The following TLR5 variants were observed in gnomAD, a reference collection of about 807,000 sequenced individuals.
The protein encoded by TLR5 is toll like receptor 5, also known as toll-like receptor 5.
For missense variants in TLR5, 944 were observed against 999.8 expected (o/e 0.94, Z 0.75); for synonymous variants, 373 against 384.4 (o/e 0.97, Z 0.35).
chr1:223,120,042 G>A (rs1656883824), intron 5 of TLR5, among the ~76,000 whole-genome samples: 1 of 136,026 alleles, frequency 7.4e-6, no homozygotes, highest in South Asian at 2.4e-4. Flanking sequence ...ACAACAGATA[G>A]CAGGACCTGA....
chr1:223,125,413 C>T (rs868580924), intron 5 of TLR5, among the ~76,000 whole-genome samples: 3 of 152,310 alleles, frequency 2.0e-5, no homozygotes, highest in African/African-American at 4.8e-5. Flanking sequence ...CAGAACCTAA[C>T]GAGCTCAGGG....
At chr1:223,123,622 G>A (rs937198919) in intron 5 of TLR5, 1 of 152,356 alleles carries the variant, frequency 6.6e-6, no homozygotes, top group Non-Finnish European at 1.5e-5. Context: ...GGAACCAGGT[G>A]AGCAGGTGAG....
At chr1:223,122,236 A>T (rs1656983607) in intron 5 of TLR5, among the ~76,000 whole-genome samples, 1 of 152,132 alleles carries the variant, frequency 6.6e-6, no homozygotes, top group Admixed American at 6.5e-5. Flanking sequence ...TGATAAACCA[A>T]CCTAAAAAGG....
At chr1:223,141,820 TATAGAGAGAGAGAG>T (rs1408110912) in intron 1 of TLR5, 57 bp from the exon 2 acceptor site, 4 of 43,888 alleles carry the variant, frequency 9.1e-5, no homozygotes, top group Non-Finnish European at 1.3e-4. Flanking sequence ...TATATATATA[TATAGAGAGAGAGAG>T]AGAGAGAGAG....
In TLR5 at chr1:223,134,095, C is replaced by T. The variant is rs5744153; in HGVS notation, c.-170+587G>A. Reference sequence around the variant, plus strand: ...CTGAACCTCTCTAAGCATCAGTTTACTGCCTATAAAATCACAGCAATAAGT... The same window carrying T: ...CTGAACCTCTCTAAGCATCAGTTTATTGCCTATAAAATCACAGCAATAAGT... On this transcript the variant is annotated intron_variant, in intron 4 of 5. Coordinates refer to ENST00000642603, the MANE Select transcript of TLR5 (RefSeq NM_003268.6). 7.1e-3 allele frequency among the ~76,000 whole-genome samples: 1,085 copies of T among 152,314 alleles called. 15 individuals are homozygous for T. The highest frequency in any genetic ancestry group is 0.024 in the African/African-American group (997 of 41,564).
rs774041876 is a variant in TLR5, at chr1:223,111,379, C to T, written c.1653G>A (p.Glu551=). ...GCTGGTTCCTGGATATGTCCAGGAT[C>T]TCTAAATTAGCAGGTAAATCATTGT... ...LSHNDLPANL[E]ILDISRNQLL... is the part of the protein sequence containing the mutation. Residue 551 remains glutamate, a synonymous_variant, in exon 6 of 6, where the codon GAG becomes GAA. Transcript: ENST00000642603. 21 of 1,614,042 alleles carry T rather than the reference C, an allele frequency of 1.3e-5. No homozygotes were observed. The African/African-American group carries it at 2.5e-4, about 19-fold the overall frequency.
At chr1:223,118,832 G>A (rs967653908) in intron 5 of TLR5, among the ~76,000 whole-genome samples, 4 of 152,010 alleles carry the variant, frequency 2.6e-5, no homozygotes, top group Admixed American at 6.6e-5. Flanking sequence ...GGCCGGGCAC[G>A]GTGGCTCACG....
At chr1:223,124,807 T>C (rs1657100745) in intron 5 of TLR5, among the ~76,000 whole-genome samples, 1 of 152,156 alleles carries the variant, frequency 6.6e-6, no homozygotes, top group Non-Finnish European at 1.5e-5. Flanking sequence ...TTTCACCATG[T>C]TGCACAGGCT....
In TLR5 at chr1:223,117,212, C is replaced by T. The variant is rs540987491; in HGVS notation, c.-4-4177G>A. ...AGCTCCTGGCCCGGGTGCTAAGCCC[C>T]TCACTGCCCCTGGCTGCTCCGAGTT... On this transcript the variant is annotated intron_variant, in intron 5 of 5. Transcript: ENST00000642603. Among the ~76,000 whole-genome samples, 8 of 152,284 alleles carry T rather than the reference C, an allele frequency of 5.3e-5. No individual in the cohort carries two copies. The East Asian group carries it at 1.5e-3, about 29-fold the overall frequency.
At position 223,111,363 on chromosome 1, in the gene TLR5, T is replaced by C. The variant is rs775385356; in HGVS notation, c.1669A>G (p.Arg557Gly). 11 of 1,614,222 alleles carry C rather than the reference T, an allele frequency of 6.8e-6. No individual in the cohort carries two copies. The highest frequency in any genetic ancestry group is 6.7e-5 in the East Asian group (3 of 44,886). Residue 557 changes from arginine (R) to glycine (G), a missense_variant, in exon 6 of 6, where the codon AGG (arginine) becomes GGG (glycine). Physicochemically the swap from Arg to Gly is moderately radical, Grantham distance 125 (BLOSUM62 -2). Coordinates refer to ENST00000642603, the MANE Select transcript of TLR5 (RefSeq NM_003268.6). ...PANLEILDIS[R>G]NQLLAPNPDV... ...GGATTAGGAGCTAGGAGCTGGTTCC[T>C]GGATATGTCCAGGATCTCTAAATTA...
intron 1 of TLR5, 85 bp from the exon 2 acceptor site, chr1:223,141,848 G>GAGAGAGAGAGAGAGAGAGAGAGAA (rs1553271506): frequency 9.6e-5 from 13 of 135,430 alleles, no homozygotes; most frequent in Non-Finnish European, 1.7e-4. Context: ...GAGAGAGAGA[G>GAGAGAGAGAGAGAGAGAGAGAGAA]AGAGAGAGAA....
intron 5 of TLR5, among the ~76,000 whole-genome samples, chr1:223,115,952 C>A (rs1052309387): frequency 2.6e-5 from 4 of 152,184 alleles, no homozygotes; most frequent in Non-Finnish European, 4.4e-5. Flanking sequence ...AGCCTCAGGA[C>A]CTTCGCAAGT....
chr1:223,120,326 C>G (rs1273222382), intron 5 of TLR5, among the ~76,000 whole-genome samples: 1 of 152,190 alleles, frequency 6.6e-6, no homozygotes, highest in Non-Finnish European at 1.5e-5. Context: ...GATTCCAGGC[C>G]TTTAGATAAA....
intron 5 of TLR5, among the ~76,000 whole-genome samples, chr1:223,117,671 C>A (rs757312124): frequency 2.6e-5 from 4 of 151,912 alleles, no homozygotes; most frequent in Non-Finnish European, 4.4e-5. Context: ...TGTTCGAGGA[C>A]CTTTGCCTCA....
intron 5 of TLR5, among the ~76,000 whole-genome samples, chr1:223,123,198 G>C (rs1191152886): frequency 2.0e-5 from 3 of 152,190 alleles, no homozygotes; most frequent in African/African-American, 7.2e-5. Flanking sequence ...CATGAAACCA[G>C]AGAAATCCCT....
chr1:223,110,536 G>C lies in TLR5; in HGVS notation c.2496C>G (p.Leu832=), dbSNP rs148851950. 26 of 1,614,150 alleles carry C rather than the reference G, an allele frequency of 1.6e-5. No homozygotes were observed. The East Asian group carries it at 5.3e-4, about 33-fold the overall frequency. Residue 832 remains leucine (L), a synonymous_variant, in exon 6 of 6, where the codon CTC becomes CTG. Coordinates refer to ENST00000642603, the MANE Select transcript of TLR5 (RefSeq NM_003268.6). ...TTTCTTTCTTTAGTATCTGTTGAGAGAGTTTATGAAGAAACCAGCCAACAT... is the reference window on the plus strand; with the variant it reads ...TTTCTTTCTTTAGTATCTGTTGAGACAGTTTATGAAGAAACCAGCCAACAT... ...LQDVGWFLHK[L]SQQILKKEKE...
intron 5 of TLR5, among the ~76,000 whole-genome samples, chr1:223,126,376 CAG>C (rs896823375): frequency 6.6e-6 from 1 of 152,082 alleles, no homozygotes; most frequent in Admixed American, 6.6e-5. Flanking sequence ...GTTTAATGGG[CAG>C]AGTTTCAGTC....
intron 5 of TLR5, among the ~76,000 whole-genome samples, chr1:223,124,711 C>T (rs1043098429): frequency 6.6e-6 from 1 of 152,190 alleles, no homozygotes; most frequent in African/African-American, 2.4e-5. Context: ...TCATGTGATT[C>T]TCCTGCCTCA....
chr1:223,113,229 AG>A (rs1656461316), intron 5 of TLR5, among the ~76,000 whole-genome samples, 194 bp from the exon 6 acceptor site: 1 of 152,130 alleles, frequency 6.6e-6, no homozygotes, highest in South Asian at 2.1e-4. Flanking sequence ...TTTTTGAGAC[AG>A]GGTCTTGCTC....
Sources: gnomAD v4.1 joint callset for allele counts (sites outside exome capture counted in the v4.1 genomes callset) on GRCh38, gnomAD v4.1.1 for gene constraint, MANE v1.5 for transcripts, NCBI Gene and HGNC (gene_info 2026-07-23, HGNC 2026-07-21) for gene names.